Variants in HMCN1 observed in about 807,000 individuals in gnomAD.
The protein encoded by HMCN1 is hemicentin 1.
HMCN1 carries 321 observed loss-of-function variants against 625.9 expected under a neutral mutation model. That is an observed-to-expected ratio of 0.51 (90% CI 0.47 to 0.56). The LOEUF is 0.56. Among genes scored for constraint, HMCN1 ranks in the 20% least tolerant of loss-of-function variants. The probability of loss-of-function intolerance (pLI) is 0.00; values close to 1 mark genes in which losing one functional copy is unlikely to be tolerated. For missense variants in HMCN1, 6,588 were observed against 6,887.3 expected, an observed-to-expected ratio of 0.96 and a Z score of 1.54; for synonymous variants, 2,425 against 2,417.6, an observed-to-expected ratio of 1.00 and a Z score of -0.09.
rs750219852 is a variant in HMCN1 at position 186,145,622 on chromosome 1, G to A, written c.14437+49G>A. ...TTGAATAAGTAAAGCATTTCATTTAGTGCTCATTGTAGCAGGCCTATTGCT... is the reference window on the plus strand; with the variant it reads ...TTGAATAAGTAAAGCATTTCATTTAATGCTCATTGTAGCAGGCCTATTGCT... On this transcript the variant is annotated intron_variant, in intron 92 of 106. Transcript: ENST00000271588. 1.9e-6 allele frequency: 3 copies of A among 1,610,848 alleles called. No individual in the cohort carries two copies. The African/African-American group carries it at 4.0e-5, about 22-fold the overall frequency.
At chr1:185,840,322 A>G (rs1473943997) in intron 1 of HMCN1, among the ~76,000 whole-genome samples, 1 of 152,214 alleles carries the variant, frequency 6.6e-6, no homozygotes, top group Non-Finnish European at 1.5e-5. Context: ...TTGAATATGT[A>G]TATTTATACT....
intron 93 of HMCN1, among the ~76,000 whole-genome samples, chr1:186,147,600 C>A (rs972261344): frequency 1.3e-5 from 2 of 152,000 alleles, no homozygotes; most frequent in African/African-American, 4.8e-5. Context: ...TATAAGCATA[C>A]CTCAGAGATA....
At chr1:185,964,312 A>G (rs748577350) in intron 13 of HMCN1, among the ~76,000 whole-genome samples, 59 of 152,252 alleles carry the variant, frequency 3.9e-4, no homozygotes, top group Non-Finnish European at 6.3e-4. Context: ...CTCCAAACTT[A>G]AACATTTATT....
intron 2 of HMCN1, among the ~76,000 whole-genome samples, chr1:185,861,698 C>T (rs1488729110): frequency 6.6e-6 from 1 of 152,102 alleles, no homozygotes; most frequent in East Asian, 1.9e-4. Flanking sequence ...GATAACCCTC[C>T]AAATAACTGT....
rs779818126 is a variant in HMCN1 at position 186,166,274 on chromosome 1, C to T, written c.15410C>T (p.Thr5137Ile). The T allele has an allele frequency of 9.3e-6, 15 of 1,614,140 alleles. No individual in the cohort carries two copies. Among genetic ancestry groups the T allele is most frequent in the Non-Finnish European group, 1.3e-5 (15 of 1,180,002 alleles). ...TACTGCTCCTGCCCTAAAGGCCTCA[C>T]CATAGCTGCAGATGGAAGAACTTGT... is the stretch of plus-strand genomic sequence containing the variant. ...TYYCSCPKGL[T>I]IAADGRTCQD... is the part of the protein sequence containing the mutation. The change falls in exon 99 of 107, where the codon ACC (threonine) becomes ATC (isoleucine). Residue 5137 changes from threonine to isoleucine, a missense_variant. Transcript: ENST00000271588.
intron 2 of HMCN1, among the ~76,000 whole-genome samples, chr1:185,859,291 TAATC>T (rs1662720062): frequency 6.6e-6 from 1 of 152,060 alleles, no homozygotes; most frequent in African/African-American, 2.4e-5. Flanking sequence ...ATGAAAGACT[TAATC>T]AAAGCAACAA....
chr1:186,017,454 G>A (rs1001180837), intron 33 of HMCN1, among the ~76,000 whole-genome samples: 19 of 151,978 alleles, frequency 1.3e-4, no homozygotes, highest in Non-Finnish European at 4.4e-5. Context: ...TAGGTAAATA[G>A]AGAAAGTTAA....
At chr1:186,056,939 A>G (rs890771251) in intron 45 of HMCN1, among the ~76,000 whole-genome samples, 2 of 151,860 alleles carry the variant, frequency 1.3e-5, no homozygotes, top group African/African-American at 4.8e-5. Context: ...CGAGTGACTC[A>G]TACAACATCA....
chr1:186,113,745 C>T (rs1423991696), intron 72 of HMCN1, among the ~76,000 whole-genome samples: 2 of 152,180 alleles, frequency 1.3e-5, no homozygotes, highest in African/African-American at 4.8e-5. Flanking sequence ...AGATTTCATA[C>T]ACCATATTAG....
intron 11 of HMCN1, among the ~76,000 whole-genome samples, chr1:185,936,690 T>C (rs1353810811): frequency 1.3e-5 from 2 of 152,200 alleles, no homozygotes; most frequent in Admixed American, 1.3e-4. Context: ...TAACCTGGGA[T>C]GTATGTTTCC....
chr1:185,932,284 C>T (rs1265809190), intron 10 of HMCN1, among the ~76,000 whole-genome samples: 4 of 151,978 alleles, frequency 2.6e-5, no homozygotes, highest in Non-Finnish European at 5.9e-5. Flanking sequence ...ATAAATATAA[C>T]AAAATATGGA....
At chr1:185,904,936 G>A (rs193285691) in intron 4 of HMCN1, among the ~76,000 whole-genome samples, 33 of 151,802 alleles carry the variant, frequency 2.2e-4, no homozygotes, top group Non-Finnish European at 2.2e-4. Flanking sequence ...TCTCTATCCA[G>A]TGTGACTGAG....
At chr1:185,778,329 T>C (rs1251185734) in intron 1 of HMCN1, among the ~76,000 whole-genome samples, 1 of 151,858 alleles carries the variant, frequency 6.6e-6, no homozygotes, top group Non-Finnish European at 1.5e-5. Context: ...GAAAATTGTG[T>C]CTTATTTTCT....
chr1:186,017,520 T>C (rs1654443764), intron 33 of HMCN1, among the ~76,000 whole-genome samples: 2 of 152,028 alleles, frequency 1.3e-5, no homozygotes, highest in South Asian at 4.1e-4. Flanking sequence ...AAAGCATGTA[T>C]TGAATATTTA....
At chr1:186,007,923 A>G (rs1569989) in intron 30 of HMCN1, among the ~76,000 whole-genome samples, 55,558 of 151,936 alleles carry the variant, frequency 0.37, 12,339 homozygotes, top group Non-Finnish European at 0.48. Flanking sequence ...AATGGAACTC[A>G]ATAGACCTGT....
intron 6 of HMCN1, among the ~76,000 whole-genome samples, chr1:185,920,322 C>T (rs938560954): frequency 2.6e-5 from 4 of 152,022 alleles, no homozygotes; most frequent in Non-Finnish European, 4.4e-5. Flanking sequence ...GGATTAATTG[C>T]ATATAAAAAT....
chr1:185,937,771 C>G (rs768027906), intron 11 of HMCN1, among the ~76,000 whole-genome samples: 11 of 151,780 alleles, frequency 7.2e-5, no homozygotes, highest in Non-Finnish European at 1.5e-4. Flanking sequence ...GTCCCAGCTA[C>G]TTGGGAGGCT....
chr1:185,880,499 C>T (rs1664236366), intron 4 of HMCN1, among the ~76,000 whole-genome samples: 1 of 152,122 alleles, frequency 6.6e-6, no homozygotes, highest in Non-Finnish European at 1.5e-5. Flanking sequence ...AACTTTCCAG[C>T]CTCTGTTGCA....
At chr1:186,059,961 A>T (rs952156577) in intron 46 of HMCN1, among the ~76,000 whole-genome samples, 1 of 152,078 alleles carries the variant, frequency 6.6e-6, no homozygotes, top group African/African-American at 2.4e-5. Context: ...ATACCTCTCA[A>T]CTGGAATCAT....
Sources: gnomAD v4.1 joint callset for allele counts (sites outside exome capture counted in the v4.1 genomes callset) on GRCh38, gnomAD v4.1.1 for gene constraint, MANE v1.5 for transcripts, NCBI Gene and HGNC (gene_info 2026-07-23, HGNC 2026-07-21) for gene names.